Variants in TSPAN5 observed in about 807,000 individuals in gnomAD.
TSPAN5 encodes the protein tetraspanin 5.
TSPAN5 carries 10 observed loss-of-function variants against 37.1 expected under a neutral mutation model. The observed-to-expected ratio is 0.27, with a 90% CI of 0.17 to 0.46. The LOEUF is 0.46. Among genes scored for constraint, TSPAN5 ranks in the 20% least tolerant of loss-of-function variants. The probability of loss-of-function intolerance (pLI) is 1.00; values close to 1 mark genes in which losing one functional copy is unlikely to be tolerated. For synonymous variants in TSPAN5, 110 were observed against 118.9 expected, an observed-to-expected ratio of 0.93 and a Z score of 0.48; for missense variants, 195 against 326.6, an observed-to-expected ratio of 0.60 and a Z score of 3.11.
chr4:98,631,054 C>G (rs1384561976), intron 1 of TSPAN5, among the ~76,000 whole-genome samples: 2 of 152,172 alleles, frequency 1.3e-5, no homozygotes, highest in Non-Finnish European at 2.9e-5. Flanking sequence ...GATGCCAGAA[C>G]TTGAAAAAAA....
chr4:98,590,592 C>T (rs1755602982), intron 1 of TSPAN5, among the ~76,000 whole-genome samples: 1 of 151,954 alleles, frequency 6.6e-6, no homozygotes, highest in South Asian at 2.1e-4. Flanking sequence ...TGCCTGTAGT[C>T]CCAGCTACTC....
chr4:98,561,257 C>T (rs1275173517), intron 1 of TSPAN5, among the ~76,000 whole-genome samples: 2 of 152,222 alleles, frequency 1.3e-5, no homozygotes, highest in Admixed American at 6.5e-5. Flanking sequence ...GCCTATACAT[C>T]ACTGCAAAAA....
At chr4:98,549,046 C>CT (rs1754540014) in intron 1 of TSPAN5, among the ~76,000 whole-genome samples, 1 of 152,116 alleles carries the variant, frequency 6.6e-6, no homozygotes, top group Admixed American at 6.5e-5. Flanking sequence ...ATAATAATTC[C>CT]TTTTCCTTTG....
At position 98,470,845 on chromosome 4, in the gene TSPAN5, G is replaced by A. The variant is rs1327196466; in HGVS notation, c.*1677C>T. ...GGCCACCACCATGCACCATGGGGCT[G>A]AAATGGAAAACCTCGCTTAATTTCC... On this transcript the variant is annotated 3_prime_UTR_variant, in exon 8 of 8. Transcript: ENST00000305798. The A allele has an allele frequency of 6.6e-6, 1 of 152,238 alleles. No individual in the cohort carries two copies. The highest frequency in any genetic ancestry group is 1.5e-5 in the Non-Finnish European group (1 of 68,046). The allele number at this position is 152,238 out of a possible 1,614,324, so 9.4% of individuals were successfully genotyped here. A position where few individuals can be genotyped will look rare whatever the true frequency, so the allele number is the denominator to read the frequency against.
intron 1 of TSPAN5, among the ~76,000 whole-genome samples, chr4:98,579,697 T>A (rs1413004880): frequency 6.6e-6 from 1 of 152,228 alleles, no homozygotes; most frequent in Non-Finnish European, 1.5e-5. Flanking sequence ...TTACCAATCC[T>A]GCTTTTCAAG....
In TSPAN5 at chr4:98,520,189, A is replaced by C. The variant is rs1578962946; in HGVS notation, c.82-12461T>G. 3.3e-5 allele frequency among the ~76,000 whole-genome samples: 5 copies of C among 152,328 alleles called. 1 individual carries two copies. The highest frequency in any genetic ancestry group is 3.3e-4 in the Admixed American group (5 of 15,310). On this transcript the variant is annotated intron_variant, in intron 1 of 7. Coordinates refer to ENST00000305798, the MANE Select transcript of TSPAN5 (RefSeq NM_005723.4). ...TAGATAAAAGGGCAGCAGGAAACCA[A>C]GAAAGAGGTGCCACCAAAGCCCATA...
intron 1 of TSPAN5, among the ~76,000 whole-genome samples, chr4:98,619,526 T>TA (rs1756430716): frequency 6.6e-6 from 1 of 152,210 alleles, no homozygotes; most frequent in African/African-American, 2.4e-5. Context: ...TTCAAAGTCT[T>TA]ACAAACCATC....
chr4:98,488,797 A>T (rs1753027108), intron 2 of TSPAN5, among the ~76,000 whole-genome samples: 1 of 152,234 alleles, frequency 6.6e-6, no homozygotes. Context: ...TCACACCTGT[A>T]ATCCCAACAC....
intron 1 of TSPAN5, among the ~76,000 whole-genome samples, chr4:98,548,886 G>GGTGTGTGTGTGT (rs142527701): frequency 1.8e-3 from 104 of 57,460 alleles, no homozygotes; most frequent in Middle Eastern, 0.019. Context: ...AGTATTCCAA[G>GGTGTGTGTGTGT]GTGTGTGTGT....
At chr4:98,546,278 A>C (rs1754467305) in intron 1 of TSPAN5, among the ~76,000 whole-genome samples, 2 of 152,190 alleles carry the variant, frequency 1.3e-5, no homozygotes, top group African/African-American at 4.8e-5. Context: ...AGTGTTACTG[A>C]AAATACATAA....
chr4:98,571,855 C>T (rs1243501835), intron 1 of TSPAN5, among the ~76,000 whole-genome samples: 1 of 152,182 alleles, frequency 6.6e-6, no homozygotes, highest in African/African-American at 2.4e-5. Flanking sequence ...TACTACCAGA[C>T]ATTGTGGATA....
chr4:98,493,345 G>T (rs571943857), intron 2 of TSPAN5, among the ~76,000 whole-genome samples: 12 of 152,296 alleles, frequency 7.9e-5, no homozygotes, highest in African/African-American at 2.9e-4. Flanking sequence ...AGCCCTGGGG[G>T]CTAAAGATGT....
intron 1 of TSPAN5, among the ~76,000 whole-genome samples, chr4:98,513,493 G>A (rs947142051): frequency 2.0e-5 from 3 of 152,136 alleles, no homozygotes; most frequent in Admixed American, 6.6e-5. Flanking sequence ...GCTGAAATAC[G>A]GTGAAACGGT....
intron 1 of TSPAN5, among the ~76,000 whole-genome samples, chr4:98,598,611 C>T (rs572639656): frequency 1.4e-4 from 21 of 152,244 alleles, no homozygotes; most frequent in African/African-American, 4.6e-4. Context: ...ACTACAGGTG[C>T]GTGCCACTAT....
chr4:98,494,342 G>A (rs889362295), intron 2 of TSPAN5, among the ~76,000 whole-genome samples: 1 of 151,932 alleles, frequency 6.6e-6, no homozygotes, highest in African/African-American at 2.4e-5. Context: ...GGGTAGCCTG[G>A]ACAATGGGGG....
At chr4:98,655,105 A>T (rs1365302463) in intron 1 of TSPAN5, among the ~76,000 whole-genome samples, 1 of 152,154 alleles carries the variant, frequency 6.6e-6, no homozygotes, top group Non-Finnish European at 1.5e-5. Context: ...TCAGCCTCCC[A>T]AAGTGCTGGG....
At position 98,476,305 on chromosome 4, in the gene TSPAN5, C is replaced by T; in HGVS notation, c.625G>A (p.Glu209Lys). The T allele has an allele frequency of 1.2e-6, 2 of 1,613,912 alleles. No homozygotes were observed. Among genetic ancestry groups the T allele is most frequent in the South Asian group, 2.2e-5 (2 of 91,080 alleles). Reference protein sequence around the residue: ...QCGYDARQKPEVDQQIVIYTK... With the variant: ...QCGYDARQKPKVDQQIVIYTK... ...TAGATTACAATCTGCTGGTCAACTT[C>T]CTTCACAAGAGAAGAGGAGAGCACA... Residue 209 changes from glutamate (E) to lysine (K), a missense_variant and splice_region_variant, in exon 7 of 8, where the codon GAA becomes AAA. Glu to Lys is a moderately conservative substitution (Grantham distance 56). Transcript: ENST00000305798.
intron 1 of TSPAN5, among the ~76,000 whole-genome samples, chr4:98,618,501 C>T (rs1756399041): frequency 6.6e-6 from 1 of 152,198 alleles, no homozygotes; most frequent in African/African-American, 2.4e-5. Flanking sequence ...TTGAGCTTCA[C>T]TACGTGGCAA....
intron 1 of TSPAN5, among the ~76,000 whole-genome samples, chr4:98,606,335 A>G (rs1054320841): frequency 1.3e-5 from 2 of 152,242 alleles, no homozygotes; most frequent in Non-Finnish European, 2.9e-5. Flanking sequence ...TTTTCAAAAG[A>G]AAACAGGACA....
Sources: allele counts gnomAD v4.1 joint callset (sites outside exome capture counted in the v4.1 genomes callset), GRCh38; gene constraint gnomAD v4.1.1; transcripts MANE v1.5; gene names NCBI Gene and HGNC (gene_info 2026-07-23, HGNC 2026-07-21).